The following PPP1R12B variants were observed in gnomAD, a reference collection of about 807,000 sequenced individuals.
PPP1R12B encodes the protein protein phosphatase 1 regulatory subunit 12B.
Under a neutral mutation model 126.1 loss-of-function variants are expected in PPP1R12B, and 76 were observed. The observed-to-expected ratio is 0.60, with a 90% CI of 0.50 to 0.73. The LOEUF (loss-of-function observed/expected upper bound fraction) is 0.73, where lower values mean the gene tolerates loss of function less well. Ranked by LOEUF, PPP1R12B falls within the 30% of genes least tolerant of loss-of-function variation. The pLI is 0.00. For synonymous variants in PPP1R12B, 356 were observed against 434.7 expected, an observed-to-expected ratio of 0.82 and a Z score of 2.25; for missense variants, 1,052 against 1,205.1, an observed-to-expected ratio of 0.87 and a Z score of 1.88.
intron 1 of PPP1R12B, among the ~76,000 whole-genome samples, chr1:202,377,457 CA>C (rs1472455078): frequency 6.6e-6 from 1 of 151,926 alleles, no homozygotes; most frequent in Non-Finnish European, 1.5e-5. Context: ...CGCCCGCCAC[CA>C]CGCCCGGCTA....
At chr1:202,384,269 A>C (rs1258842766) in intron 1 of PPP1R12B, among the ~76,000 whole-genome samples, 1 of 152,236 alleles carries the variant, frequency 6.6e-6, no homozygotes, top group Non-Finnish European at 1.5e-5. Context: ...CGGCAGCATT[A>C]TTCACAATAA....
intron 8 of PPP1R12B, among the ~76,000 whole-genome samples, chr1:202,432,572 GCTT>G (rs1339524311): frequency 6.6e-6 from 1 of 152,100 alleles, no homozygotes; most frequent in Non-Finnish European, 1.5e-5. Flanking sequence ...TGGCCCTAGA[GCTT>G]CTTAAGTTTA....
rs1430173908 is a variant in PPP1R12B, at chr1:202,422,606, T to C, written c.423-14T>C. ...ATTGACAGATAATATTGATCCTGGATCTTGTCTACGCAGGTATTTCATTAA... is the reference window on the plus strand; with the variant it reads ...ATTGACAGATAATATTGATCCTGGACCTTGTCTACGCAGGTATTTCATTAA... On this transcript the variant is annotated splice_polypyrimidine_tract_variant and intron_variant, in intron 2 of 23. Transcript: ENST00000608999. 13 of 1,610,448 alleles carry C rather than the reference T, an allele frequency of 8.1e-6. No individual in the cohort carries two copies. The highest frequency in any genetic ancestry group is 7.6e-6 in the Non-Finnish European group (9 of 1,176,866).
chr1:202,406,007 T>C (rs1164255124), intron 1 of PPP1R12B, among the ~76,000 whole-genome samples: 3 of 152,228 alleles, frequency 2.0e-5, no homozygotes, highest in Non-Finnish European at 4.4e-5. Context: ...TGTAATTTCT[T>C]TGTGGCATTC....
intron 8 of PPP1R12B, among the ~76,000 whole-genome samples, 158 bp from the exon 9 acceptor site, chr1:202,434,498 C>G (rs749760774): frequency 6.6e-6 from 1 of 152,132 alleles, no homozygotes; most frequent in East Asian, 1.9e-4. Context: ...CCAACAGTTG[C>G]AAGAGTTTAC....
intron 18 of PPP1R12B, among the ~76,000 whole-genome samples, chr1:202,534,662 T>C (rs1183643084): frequency 6.6e-6 from 1 of 151,662 alleles, no homozygotes; most frequent in Non-Finnish European, 1.5e-5. Flanking sequence ...ATCCCTTGTG[T>C]AAAGCCAATC....
In PPP1R12B at chr1:202,448,936, T is replaced by C. The variant is rs1014790737; in HGVS notation, c.1668-53T>C. ...CTTCTGTCTCTGTGCCAGTGCTTTG[T>C]TGTATAGCATGCCTAACCATTTCCT... is the stretch of plus-strand genomic sequence containing the variant. On this transcript the variant is annotated intron_variant, in intron 12 of 23. Coordinates refer to ENST00000608999, the MANE Select transcript of PPP1R12B (RefSeq NM_002481.4). The C allele has an allele frequency of 1.5e-5, 23 of 1,557,640 alleles. No individual in the cohort carries two copies. In the African/African-American group the frequency reaches 2.6e-4, roughly 17 times the overall value.
intron 21 of PPP1R12B, among the ~76,000 whole-genome samples, chr1:202,566,660 T>A (rs1688078170): frequency 6.6e-6 from 1 of 152,212 alleles, no homozygotes; most frequent in African/African-American, 2.4e-5. Flanking sequence ...CTGTAGGATC[T>A]ATTTTTGCGT....
rs1657506846 is a variant in PPP1R12B, at chr1:202,358,405, A to C, written c.291+9263A>C. Among the ~76,000 whole-genome samples, 2 of 152,198 alleles carry C rather than the reference A, an allele frequency of 1.3e-5. 1 individual carries two copies. Among genetic ancestry groups the C allele is most frequent in the South Asian group, 4.1e-4 (2 of 4,830 alleles). On this transcript the variant is annotated intron_variant, in intron 1 of 23. Coordinates refer to ENST00000608999, the MANE Select transcript of PPP1R12B (RefSeq NM_002481.4). Reference sequence around the variant, plus strand: ...CAATTGAAAAACTGAAGCTTTGCCCAGGCGCGGTGGCTCACGCCTGTAATC... The same window carrying C: ...CAATTGAAAAACTGAAGCTTTGCCCCGGCGCGGTGGCTCACGCCTGTAATC...
At position 202,438,027 on chromosome 1, in the gene PPP1R12B, G is replaced by C. The variant is rs1379790014; in HGVS notation, c.1458+3G>C. The stretch of plus-strand genomic sequence containing the variant: ...CTCTACTGGACAACAAAGATAAGGT[G>C]CAGTTTGGGAGGGTATGGGGGAATT... On this transcript the variant is annotated splice_donor_region_variant and intron_variant, in intron 10 of 23. Transcript: ENST00000608999. 6 of 1,613,798 alleles carry C rather than the reference G, an allele frequency of 3.7e-6. No homozygotes were observed. Among genetic ancestry groups the C allele is most frequent in the Non-Finnish European group, 5.1e-6 (6 of 1,179,860 alleles).
intron 10 of PPP1R12B, chr1:202,438,331 G>A (rs1379104752): frequency 1.6e-6 from 2 of 1,233,134 alleles, no homozygotes; most frequent in Non-Finnish European, 2.3e-6. Context: ...GTATGGCGGA[G>A]GGGGGCACAG....
chr1:202,549,277 G>C (rs1429569594), intron 18 of PPP1R12B, among the ~76,000 whole-genome samples: 2 of 152,096 alleles, frequency 1.3e-5, no homozygotes, highest in Admixed American at 6.5e-5. Flanking sequence ...ACTTCAAGCT[G>C]ATGTATCCAC....
intron 18 of PPP1R12B, among the ~76,000 whole-genome samples, chr1:202,529,491 G>T (rs1412060520): frequency 1.3e-5 from 2 of 152,074 alleles, no homozygotes; most frequent in African/African-American, 4.8e-5. Flanking sequence ...TTAAAACTCT[G>T]CAGTTAACTA....
chr1:202,517,686 C>T lies in PPP1R12B; in HGVS notation c.2490+20864C>T, dbSNP rs571854082. ...TGCCACCCAGGCTGGAGTGTCATGG[C>T]GTGATCTCGGCTCACTGCAACCTCC... is the stretch of plus-strand genomic sequence containing the variant. On this transcript the variant is annotated intron_variant, in intron 18 of 23. Transcript: ENST00000608999. Among the ~76,000 whole-genome samples the T allele has an allele frequency of 1.8e-4, 27 of 151,500 alleles. No homozygotes were observed. The East Asian group carries it at 4.1e-3, about 23-fold the overall frequency.
rs1678900262 is a variant in PPP1R12B, at chr1:202,491,602, G to T, written c.1942-1512G>T. ...AATAAATGATAGGGAAAGATAAATT[G>T]CTCTGGAATGATTTCAAGTTTGTTT... On this transcript the variant is annotated intron_variant, in intron 14 of 23. Transcript: ENST00000608999. Among the ~76,000 whole-genome samples the T allele has an allele frequency of 3.3e-5, 5 of 152,184 alleles. No homozygotes were observed. In the South Asian group the frequency reaches 1.0e-3, roughly 32 times the overall value.
chr1:202,559,504 T>C (rs1687302366), intron 19 of PPP1R12B, among the ~76,000 whole-genome samples: 1 of 152,234 alleles, frequency 6.6e-6, no homozygotes, highest in African/African-American at 2.4e-5. Context: ...AATGACCCTC[T>C]GCAGTTTTTC....
chr1:202,428,702 A>C (rs577306507), intron 5 of PPP1R12B, 153 bp from the exon 6 acceptor site: 1 of 629,592 alleles, frequency 1.6e-6, no homozygotes, highest in African/African-American at 1.9e-5. Context: ...TGATAGATGA[A>C]GGTGTTATCA....
chr1:202,360,914 G>C (rs1375994325), intron 1 of PPP1R12B, among the ~76,000 whole-genome samples: 1 of 146,830 alleles, frequency 6.8e-6, no homozygotes, highest in East Asian at 2.0e-4. Context: ...TTTTTGAGAC[G>C]GAGTCTTGCT....
rs1185974066 is a variant in PPP1R12B, at chr1:202,488,467, C to G, written c.1851-66C>G. On this transcript the variant is annotated intron_variant, in intron 13 of 23. Transcript: ENST00000608999. ...GAAATCTCTTCAATATGTGGAAACACTTTGTCATTCCTCAAGTATATGCAG... is the reference window on the plus strand; with the variant it reads ...GAAATCTCTTCAATATGTGGAAACAGTTTGTCATTCCTCAAGTATATGCAG... 11 of 1,254,788 alleles carry G rather than the reference C, an allele frequency of 8.8e-6. No individual in the cohort carries two copies. The East Asian group carries it at 1.5e-4, about 17-fold the overall frequency. 77.7% of individuals were successfully genotyped at this position (1,254,788 alleles called of 1,614,324 possible).
Sources: allele counts gnomAD v4.1 joint callset (sites outside exome capture counted in the v4.1 genomes callset), GRCh38; gene constraint gnomAD v4.1.1; transcripts MANE v1.5; gene names NCBI Gene and HGNC (gene_info 2026-07-23, HGNC 2026-07-21).